ERC2: variants seen among roughly 807,000 people sequenced by gnomAD.
ERC2 encodes ERC protein 2.
Under a neutral mutation model 114.8 loss-of-function variants are expected in ERC2, and 42 were observed. The observed-to-expected ratio is 0.37, with a 90% CI of 0.29 to 0.47. ERC2 has a LOEUF of 0.47. Ranked by LOEUF, ERC2 falls within the 20% of genes least tolerant of loss-of-function variation. ERC2 has a pLI of 0.99. For synonymous variants in ERC2, 454 were observed against 425.5 expected, an observed-to-expected ratio of 1.07 and a Z score of -0.82; for missense variants, 939 against 1,150.7, an observed-to-expected ratio of 0.82 and a Z score of 2.66.
chr3:55,663,128 C>T (rs775327791), intron 17 of ERC2, among the ~76,000 whole-genome samples: 7 of 152,136 alleles, frequency 4.6e-5, no homozygotes, highest in Admixed American at 6.5e-5. Flanking sequence ...AATGGATGAA[C>T]GGAAGGGAGA....
chr3:56,447,466 T>G (rs1209828330), intron 1 of ERC2, among the ~76,000 whole-genome samples: 1 of 152,172 alleles, frequency 6.6e-6, no homozygotes, highest in Non-Finnish European at 1.5e-5. Context: ...GGGAAGGCGG[T>G]CTAGTGGAGA....
At chr3:55,561,724 A>C (rs2056035381) in intron 17 of ERC2, among the ~76,000 whole-genome samples, 1 of 151,834 alleles carries the variant, frequency 6.6e-6, no homozygotes, top group South Asian at 2.1e-4. Flanking sequence ...AGCACCCCCA[A>C]TTTACTCTGG....
intron 7 of ERC2, among the ~76,000 whole-genome samples, chr3:56,057,259 G>A (rs138649179): frequency 1.3e-5 from 2 of 152,198 alleles, no homozygotes; most frequent in Non-Finnish European, 2.9e-5. Flanking sequence ...TGTTTGCTGT[G>A]CAGTCATCAC....
At chr3:56,013,223 G>A (rs2073076675) in intron 8 of ERC2, among the ~76,000 whole-genome samples, 1 of 152,202 alleles carries the variant, frequency 6.6e-6, no homozygotes, top group Admixed American at 6.5e-5. Flanking sequence ...TCCCTAGGAT[G>A]CCATAATCCA....
chr3:55,857,507 A>G (rs958694697), intron 14 of ERC2, among the ~76,000 whole-genome samples: 3 of 152,200 alleles, frequency 2.0e-5, no homozygotes, highest in Non-Finnish European at 2.9e-5. Flanking sequence ...AACCACCACT[A>G]TTATCTAAAA....
At chr3:56,388,863 A>C (rs1265095160) in intron 2 of ERC2, among the ~76,000 whole-genome samples, 1 of 152,276 alleles carries the variant, frequency 6.6e-6, no homozygotes, top group African/African-American at 2.4e-5. Context: ...GGCACGCCCC[A>C]AAAAATTATC....
At position 55,847,323 on chromosome 3, in the gene ERC2, A is replaced by G. The variant is rs184129269; in HGVS notation, c.2564+41066T>C. 3.3e-5 allele frequency among the ~76,000 whole-genome samples: 5 copies of G among 152,344 alleles called. No individual in the cohort carries two copies. In the East Asian group the frequency reaches 9.6e-4, roughly 29 times the overall value. On this transcript the variant is annotated intron_variant, in intron 14 of 17. Transcript: ENST00000288221. ...ATTGAGAGGGAGGGGAGCCTTCCAC[A>G]TTAAAATGATTTTGAAAATTGCCAA...
intron 7 of ERC2, among the ~76,000 whole-genome samples, chr3:56,040,996 C>CT (rs1436355468): frequency 6.6e-6 from 1 of 151,818 alleles, no homozygotes; most frequent in Non-Finnish European, 1.5e-5. Context: ...AACTTGTAAT[C>CT]ACTCATTCAA....
chr3:55,580,221 T>C (rs969440254), intron 17 of ERC2, among the ~76,000 whole-genome samples: 2 of 149,762 alleles, frequency 1.3e-5, no homozygotes, highest in African/African-American at 2.5e-5. Context: ...TTGACAGCAA[T>C]AGGAAGCATA....
intron 2 of ERC2, among the ~76,000 whole-genome samples, chr3:56,368,174 T>G (rs1253510374): frequency 7.6e-6 from 1 of 131,006 alleles, no homozygotes; most frequent in East Asian, 2.0e-4. Flanking sequence ...TTGAAATTAT[T>G]CTTTTTTTTT....
At position 55,546,721 on chromosome 3, in the gene ERC2, T is replaced by G. The variant is rs573795756; in HGVS notation, c.*40-35445A>C. On this transcript the variant is annotated intron_variant, in intron 17 of 17. Coordinates refer to ENST00000288221, the MANE Select transcript of ERC2 (RefSeq NM_015576.3). Reference sequence around the variant, plus strand: ...TTCGGTGAGGGTAGGGAACTGTCTATGCACAGCCAGCCAGTAAGGAGTGAG... The same window carrying G: ...TTCGGTGAGGGTAGGGAACTGTCTAGGCACAGCCAGCCAGTAAGGAGTGAG... Among the ~76,000 whole-genome samples, 9 of 152,294 alleles carry G rather than the reference T, an allele frequency of 5.9e-5. No individual in the cohort carries two copies. In the South Asian group the frequency reaches 1.9e-3, roughly 32 times the overall value.
chr3:56,301,700 T>TA (rs1458196067), intron 2 of ERC2, among the ~76,000 whole-genome samples: 8 of 118,366 alleles, frequency 6.8e-5, no homozygotes, highest in Non-Finnish European at 1.5e-4. Context: ...ACCCTGTATC[T>TA]AAAAAAAATA....
rs544444895 is a variant in ERC2 at position 56,322,595 on chromosome 3, T to C, written c.658-26160A>G. 5.3e-5 allele frequency among the ~76,000 whole-genome samples: 8 copies of C among 152,268 alleles called. No homozygotes were observed. The South Asian group carries it at 1.7e-3, about 32-fold the overall frequency. On this transcript the variant is annotated intron_variant, in intron 2 of 17. Transcript: ENST00000288221. ...TGACTAAAAAACTGGACAACATGTATGAAATAATGGTTTCAAGAACAGTGA... is the reference window on the plus strand; with the variant it reads ...TGACTAAAAAACTGGACAACATGTACGAAATAATGGTTTCAAGAACAGTGA...
intron 5 of ERC2, among the ~76,000 whole-genome samples, chr3:56,146,831 C>A (rs2081168296): frequency 2.0e-5 from 3 of 152,176 alleles, no homozygotes; most frequent in Admixed American, 6.5e-5. Flanking sequence ...CCACCTCACT[C>A]CACTACTTTC....
chr3:56,464,522 T>C (rs1221242528), intron 1 of ERC2, among the ~76,000 whole-genome samples: 1 of 152,252 alleles, frequency 6.6e-6, no homozygotes. Flanking sequence ...GGAGTTTTGT[T>C]ACACTGCCAA....
rs73834034 is a variant in ERC2, at chr3:55,864,519, C to A, written c.2564+23870G>T. ...CCACTGTGTATTTTACATCCATGTG[C>A]AGCAATTCATTAACTATTAACACAC... On this transcript the variant is annotated intron_variant, in intron 14 of 17. Coordinates refer to ENST00000288221, the MANE Select transcript of ERC2 (RefSeq NM_015576.3). 7.9e-3 allele frequency among the ~76,000 whole-genome samples: 1,201 copies of A among 152,166 alleles called. 19 individuals are homozygous for A. The highest frequency in any genetic ancestry group is 0.027 in the African/African-American group (1,137 of 41,516).
At chr3:55,659,679 A>G (rs1194431441) in intron 17 of ERC2, among the ~76,000 whole-genome samples, 2 of 152,086 alleles carry the variant, frequency 1.3e-5, no homozygotes, top group Admixed American at 6.6e-5. Flanking sequence ...TCTTCAAAAA[A>G]CTAGCAGAAA....
chr3:56,263,732 T>TA (rs1398690951), intron 3 of ERC2, among the ~76,000 whole-genome samples: 2 of 151,992 alleles, frequency 1.3e-5, no homozygotes, highest in Non-Finnish European at 2.9e-5. Context: ...TACCAAACAT[T>TA]AAAAAAAGAA....
In ERC2 at chr3:56,373,139, C is replaced by T. The variant is rs572156045; in HGVS notation, c.657+61212G>A. On this transcript the variant is annotated intron_variant, in intron 2 of 17. Coordinates refer to ENST00000288221, the MANE Select transcript of ERC2 (RefSeq NM_015576.3). ...TGTCTTCCAAATTATTTGAGATAAC[C>T]ACTAATTTCATATAAGTCTATTTTA... Among the ~76,000 whole-genome samples, 5 of 152,216 alleles carry T rather than the reference C, an allele frequency of 3.3e-5. No individual in the cohort carries two copies. The South Asian group carries it at 1.0e-3, about 32-fold the overall frequency.
Sources: gnomAD v4.1 joint callset for allele counts (sites outside exome capture counted in the v4.1 genomes callset) on GRCh38, gnomAD v4.1.1 for gene constraint, MANE v1.5 for transcripts, NCBI Gene and HGNC (gene_info 2026-07-23, HGNC 2026-07-21) for gene names.